IQCC: variants seen among roughly 807,000 people sequenced by gnomAD.
IQCC encodes the protein IQ domain-containing protein C.
A neutral mutation model predicts 27.0 loss-of-function variants in IQCC; 23 were observed. That is an observed-to-expected ratio of 0.85 (90% CI 0.61 to 1.21). The LOEUF (loss-of-function observed/expected upper bound fraction) is 1.21, where lower values mean the gene tolerates loss of function less well. Among genes scored for constraint, IQCC ranks in the 50% most tolerant of loss-of-function variants. The pLI is 0.00. For missense variants in IQCC, 552 were observed against 562.3 expected (o/e 0.98, Z 0.19); for synonymous variants, 220 against 217.2 (o/e 1.01, Z -0.11).
In IQCC at chr1:32,206,619, G is replaced by A. The variant is rs1411169262; in HGVS notation, c.297G>A (p.Glu99=). The A allele has an allele frequency of 2.5e-6, 4 of 1,614,234 alleles. No individual in the cohort carries two copies. The highest frequency in any genetic ancestry group is 3.4e-6 in the Non-Finnish European group (4 of 1,180,038). Reference sequence around the variant, plus strand: ...AGTCTGAGGGAGAGGCCACCTGGGAGGAGATGGTGCTGAAGAAGTCAGGAG... The same window carrying A: ...AGTCTGAGGGAGAGGCCACCTGGGAAGAGATGGTGCTGAAGAAGTCAGGAG... The part of the protein sequence containing the change: ...CEESEGEATW[E]EMVLKKSGES... Residue 99 remains glutamate (E), a synonymous_variant, in exon 3 of 5, where the codon GAG becomes GAA. Transcript: ENST00000291358.
Position 32,207,089 on chromosome 1 carries a change from G to A in IQCC, c.527G>A (p.Trp176Ter), listed in dbSNP as rs1299440096. Residue 176 changes from tryptophan (W) to a stop codon, truncating the protein, a stop_gained, in exon 4 of 5, where the codon TGG becomes TAG. Coordinates refer to ENST00000291358, the MANE Select transcript of IQCC (RefSeq NM_018134.3). LOFTEE classifies it low-confidence loss of function (END_TRUNC). ...HRSHLAMELL[W>*]LQQAINSRKE... The stretch of plus-strand genomic sequence containing the variant: ...AGCCACTTGGCCATGGAATTGCTGT[G>A]GCTGCAACAGGCCATCAATAGCCGT... The A allele has an allele frequency of 6.2e-7, 1 of 1,611,546 alleles. No individual in the cohort carries two copies. The highest frequency in any genetic ancestry group is 8.5e-7 in the Non-Finnish European group (1 of 1,178,840).
At chr1:32,206,834 G>A (rs1285107527) in intron 3 of IQCC, 73 bp downstream of exon 3, 4 of 1,557,816 alleles carry the variant, frequency 2.6e-6, no homozygotes, top group South Asian at 1.1e-5. Flanking sequence ...AAGAGTGAAA[G>A]GCTTGCGCTA....
At chr1:32,206,393 GACTC>G (rs1407018985) in intron 2 of IQCC, 96 bp downstream of exon 2, 11 of 1,598,562 alleles carry the variant, frequency 6.9e-6, no homozygotes, top group African/African-American at 1.3e-5. Flanking sequence ...AGAGGCAGTA[GACTC>G]ACCTCCTCAC....
rs1382306826 is a variant in IQCC, at chr1:32,206,541, A to AGAC, written c.220_222dup (p.Asp74dup). The stretch of plus-strand genomic sequence containing the variant: ...AATCCCATCAGACCTGGAAAGCAGG[A>AGAC]GACAGGGTAGCAAATCCAGAGCAGG... On this transcript the variant is annotated inframe_insertion, in exon 3 of 5. Transcript: ENST00000291358. 6.2e-7 allele frequency: 1 copy of AGAC among 1,614,210 alleles called. No homozygotes were observed.
At position 32,208,201 on chromosome 1, in the gene IQCC, T is replaced by A. The variant is rs900416176; in HGVS notation, c.*119T>A. ...GGCTTCTGCTCCTGCCCCTGGCCAT[T>A]GGTGACTAGTGGGGCCAAGAGAAGC... On this transcript the variant is annotated 3_prime_UTR_variant, in exon 5 of 5. Transcript: ENST00000291358. 3 of 1,077,182 alleles carry A rather than the reference T, an allele frequency of 2.8e-6. No homozygotes were observed. In the African/African-American group the frequency reaches 4.8e-5, roughly 17 times the overall value. The allele number at this position is 1,077,182 out of a possible 1,614,324, so 66.7% of individuals were successfully genotyped here. A position where few individuals can be genotyped will look rare whatever the true frequency, so the allele number is the denominator to read the frequency against.
rs774718277 is a variant in IQCC at position 32,206,337 on chromosome 1, G to T, written c.186+40G>T. On this transcript the variant is annotated intron_variant, in intron 2 of 4. Coordinates refer to ENST00000291358, the MANE Select transcript of IQCC (RefSeq NM_018134.3). ...GGAGAGAAGGGAAGGAGGGACTTGGGCAGGGTGGAACCCACCCTTCCCAGT... is the reference window on the plus strand; with the variant it reads ...GGAGAGAAGGGAAGGAGGGACTTGGTCAGGGTGGAACCCACCCTTCCCAGT... 1.9e-5 allele frequency: 30 copies of T among 1,610,634 alleles called. No homozygotes were observed. Among genetic ancestry groups the T allele is most frequent in the East Asian group, 1.1e-4 (5 of 44,794 alleles).
chr1:32,207,867 G>C lies in IQCC; in HGVS notation c.1186G>C (p.Asp396His), dbSNP rs373839136. 7.4e-6 allele frequency: 12 copies of C among 1,613,972 alleles called. No individual in the cohort carries two copies. The African/African-American group carries it at 1.6e-4, about 22-fold the overall frequency. Reference protein sequence around the residue: ...TLGGPEHSVLDLWRTKPPKGQ... With the variant: ...TLGGPEHSVLHLWRTKPPKGQ... ...GGGGGGGCCAGAGCATAGTGTCCTCGATCTCTGGAGGACTAAACCACCCAA... is the reference window on the plus strand; with the variant it reads ...GGGGGGGCCAGAGCATAGTGTCCTCCATCTCTGGAGGACTAAACCACCCAA... The change falls in exon 5 of 5, where the codon GAT becomes CAT. Residue 396 changes from aspartate to histidine, a missense_variant. Transcript: ENST00000291358.
chr1:32,205,816 C>A lies in IQCC; in HGVS notation c.42+93C>A. On this transcript the variant is annotated intron_variant, in intron 1 of 4. Transcript: ENST00000291358. The surrounding 1 kb of genome is among the most constrained non-coding windows in gnomAD (Gnocchi z 5.6). The stretch of plus-strand genomic sequence containing the variant: ...CCTCCCAGCGAGATGCTACCACGTT[C>A]AGTCCCCTAACTGCGCGCCAACCTC... The A allele has an allele frequency of 6.4e-7, 1 of 1,572,600 alleles. No individual in the cohort carries two copies. Among genetic ancestry groups the A allele is most frequent in the African/African-American group, 1.3e-5 (1 of 74,510 alleles).
At position 32,205,931 on chromosome 1, in the gene IQCC, G is replaced by T; in HGVS notation, c.42+208G>T. 1 of 1,551,560 alleles carries T rather than the reference G, an allele frequency of 6.4e-7. No homozygotes were observed. The highest frequency in any genetic ancestry group is 2.4e-5 in the East Asian group (1 of 40,912). ...GCGTCCCCACTCCCACCACACGCTCGCGCCGGATCAGGGAAACGGGAAGAG... is the reference window on the plus strand; with the variant it reads ...GCGTCCCCACTCCCACCACACGCTCTCGCCGGATCAGGGAAACGGGAAGAG... On this transcript the variant is annotated intron_variant, in intron 1 of 4. Transcript: ENST00000291358. This position sits in a 1 kb window ranked among gnomAD's most constrained non-coding sequence, Gnocchi z 5.6.
In IQCC at chr1:32,207,003, A is replaced by T. The variant is rs1432923936; in HGVS notation, c.441A>T (p.Glu147Asp). 1 of 1,606,214 alleles carries T rather than the reference A, an allele frequency of 6.2e-7. No individual in the cohort carries two copies. Residue 147 changes from glutamate (E) to aspartate (D), a missense_variant and splice_region_variant, in exon 4 of 5, where the codon GAA becomes GAT. By Grantham distance (45) the Glu-to-Asp change is conservative. Coordinates refer to ENST00000291358, the MANE Select transcript of IQCC (RefSeq NM_018134.3). ...CTTCCTTTCTTCCCTCCTTCACAGA[A>T]GCCACAGATCAAAGACTGCCCCACA... ...TRDTTRMENPEATDQRLPHSQ... is the reference protein window; with the variant it reads ...TRDTTRMENPDATDQRLPHSQ...
In IQCC at chr1:32,206,494, T is replaced by TC; in HGVS notation, c.187-14dup. 6.2e-7 allele frequency: 1 copy of TC among 1,613,846 alleles called. No individual in the cohort carries two copies. The highest frequency in any genetic ancestry group is 8.5e-7 in the Non-Finnish European group (1 of 1,179,976). On this transcript the variant is annotated splice_polypyrimidine_tract_variant and intron_variant, in intron 2 of 4. Transcript: ENST00000291358. ...GGTTTAGCCCTGGGGCTCTCACATC[T>TC]CTCTTGTTTCTCAGAAGGCAAAATC... is the stretch of plus-strand genomic sequence containing the variant.
rs771432775 is a variant in IQCC, at chr1:32,206,739, CACG to C, written c.420_422del (p.Thr141del). The C allele has an allele frequency of 5.0e-6, 8 of 1,614,180 alleles. No individual in the cohort carries two copies. The highest frequency in any genetic ancestry group is 5.9e-6 in the Non-Finnish European group (7 of 1,180,022). Reference sequence around the variant, plus strand: ...AACCCAGCCAAGAGAAGACCAGAGACACGACAAGGATGGAGAATCCAGGTACCT... The same window carrying C: ...AACCCAGCCAAGAGAAGACCAGAGACACAAGGATGGAGAATCCAGGTACCT... On this transcript the variant is annotated inframe_deletion, in exon 3 of 5. Transcript: ENST00000291358.
rs750756942 is a variant in IQCC, at chr1:32,207,393, A to C, written c.712A>C (p.Thr238Pro). The C allele has an allele frequency of 6.2e-7, 1 of 1,613,994 alleles. No individual in the cohort carries two copies. Among genetic ancestry groups the C allele is most frequent in the Non-Finnish European group, 8.5e-7 (1 of 1,179,992 alleles). ...GGACCAGTCCTACAGAGACAGGACC[A>C]CTGGAGAGCTAGAACAGGAGGATGA... ...LEDQSYRDRT[T>P]GELEQEDDSC... The change falls in exon 5 of 5, where the codon ACT (threonine) becomes CCT (proline). Residue 238 changes from threonine to proline, a missense_variant. Physicochemically the swap from Thr to Pro is conservative, Grantham distance 38. Transcript: ENST00000291358.
rs755515946 is a variant in IQCC at position 32,206,185 on chromosome 1, A to G, written c.74A>G (p.Gln25Arg). The change falls in exon 2 of 5, where the codon CAG (glutamine) becomes CGG (arginine). Residue 25 changes from glutamine to arginine, a missense_variant. Physicochemically the swap from Gln to Arg is conservative, Grantham distance 43 (BLOSUM62 1). Coordinates refer to ENST00000291358, the MANE Select transcript of IQCC (RefSeq NM_018134.3). ...GTCCGGGGCTTCTTGGTCCGACGCC[A>G]GTTCCAGAGCCTGCGAGCTGAGTAT... The part of the protein sequence containing the change: ...ACVRGFLVRR[Q>R]FQSLRAEYEA... 8 of 1,613,706 alleles carry G rather than the reference A, an allele frequency of 5.0e-6. No homozygotes were observed. Among genetic ancestry groups the G allele is most frequent in the Non-Finnish European group, 6.8e-6 (8 of 1,179,774 alleles).
At position 32,205,802 on chromosome 1, in the gene IQCC, G is replaced by A; in HGVS notation, c.42+79G>A. On this transcript the variant is annotated intron_variant, in intron 1 of 4. Coordinates refer to ENST00000291358, the MANE Select transcript of IQCC (RefSeq NM_018134.3). The surrounding 1 kb of genome is among the most constrained non-coding windows in gnomAD (Gnocchi z 5.6). ...GTCTCGTACCTGGACCTCCCAGCGA[G>A]ATGCTACCACGTTCAGTCCCCTAAC... 1.3e-6 allele frequency: 2 copies of A among 1,582,764 alleles called. No individual in the cohort carries two copies. The highest frequency in any genetic ancestry group is 1.7e-6 in the Non-Finnish European group (2 of 1,165,292).
rs1464434801 is a variant in IQCC, at chr1:32,208,163, C to T, written c.*81C>T. On this transcript the variant is annotated 3_prime_UTR_variant, in exon 5 of 5. Transcript: ENST00000291358. ...GTGAGACAAGACCTCATCCTACCTC[C>T]CTGACCAGCTCTGGCTTCTGCTCCT... 2 of 1,421,256 alleles carry T rather than the reference C, an allele frequency of 1.4e-6. No homozygotes were observed. The highest frequency in any genetic ancestry group is 2.9e-5 in the African/African-American group (2 of 69,230). The allele number at this position is 1,421,256 out of a possible 1,614,324, so 88.0% of individuals were successfully genotyped here.
In IQCC at chr1:32,205,766, G is replaced by A. The variant is rs1388427679; in HGVS notation, c.42+43G>A. On this transcript the variant is annotated intron_variant, in intron 1 of 4. Coordinates refer to ENST00000291358, the MANE Select transcript of IQCC (RefSeq NM_018134.3). The surrounding 1 kb of genome is among the most constrained non-coding windows in gnomAD (Gnocchi z 5.6). ...GGGTTCACAGGATTTTTCCTTTAGG[G>A]AAATCATGGGGTCTCGTACCTGGAC... 5 of 1,606,968 alleles carry A rather than the reference G, an allele frequency of 3.1e-6. No individual in the cohort carries two copies. The highest frequency in any genetic ancestry group is 1.1e-5 in the South Asian group (1 of 89,742).
At position 32,207,441 on chromosome 1, in the gene IQCC, C is replaced by T. The variant is rs1031989779; in HGVS notation, c.760C>T (p.Pro254Ser). The change falls in exon 5 of 5, where the codon CCC becomes TCC. Residue 254 changes from proline to serine, a missense_variant. Coordinates refer to ENST00000291358, the MANE Select transcript of IQCC (RefSeq NM_018134.3). ...TGACTCCTGTCACAGGGTCAAATCA[C>T]CCCACAGATCCCCAGGAAGTTTGGC... ...EDDSCHRVKSPHRSPGSLATT... is the reference protein window; with the variant it reads ...EDDSCHRVKSSHRSPGSLATT... 1.2e-6 allele frequency: 2 copies of T among 1,613,814 alleles called. No homozygotes were observed. Among genetic ancestry groups the T allele is most frequent in the Non-Finnish European group, 1.7e-6 (2 of 1,180,002 alleles).
Position 32,208,017 on chromosome 1 carries a change from A to G in IQCC, c.1336A>G (p.Lys446Glu), listed in dbSNP as rs147386897. The G allele has an allele frequency of 1.1e-5, 17 of 1,614,096 alleles. No individual in the cohort carries two copies. Among genetic ancestry groups the G allele is most frequent in the Non-Finnish European group, 1.4e-5 (17 of 1,180,006 alleles). Residue 446 changes from lysine to glutamate, a missense_variant, in exon 5 of 5, where the codon AAG becomes GAG. Transcript: ENST00000291358. ...GTCACCTGAGATTCTGTCTTCTACA[A>G]AGGCAGGCTGTACAGGAGAGGAACA... The part of the protein sequence containing the change: ...SKSPEILSST[K>E]AGCTGEEQWR...
Sources: gnomAD v4.1 joint callset for allele counts on GRCh38, gnomAD v4.1.1 for gene constraint, Gnocchi (gnomAD v3.1) non-coding constraint, MANE v1.5 for transcripts, NCBI Gene and HGNC (gene_info 2026-07-23, HGNC 2026-07-21) for gene names.